SLC14A2: variants seen among roughly 807,000 people sequenced by gnomAD.
SLC14A2 encodes the protein urea transporter 2.
A neutral mutation model predicts 104.6 loss-of-function variants in SLC14A2; 91 were observed. The observed-to-expected ratio is 0.87, with a 90% CI of 0.73 to 1.04. The LOEUF is 1.04. SLC14A2 is among the 50% of genes least tolerant of loss of function. The pLI is 0.00. For missense variants in SLC14A2, 1,189 were observed against 1,156.0 expected (o/e 1.03, Z -0.41); for synonymous variants, 476 against 466.4 (o/e 1.02, Z -0.27).
chr18:45,603,651 C>G (rs1244257167), intron 2 of SLC14A2, among the ~76,000 whole-genome samples: 3 of 152,182 alleles, frequency 2.0e-5, no homozygotes, highest in African/African-American at 7.2e-5. Flanking sequence ...CTCTCATCCC[C>G]TCTCATACAG....
chr18:45,351,161 C>T (rs958865097), intron 1 of SLC14A2, among the ~76,000 whole-genome samples: 1 of 152,140 alleles, frequency 6.6e-6, no homozygotes, highest in East Asian at 1.9e-4. Context: ...TTGCTGGAAA[C>T]ATAATCACCT....
chr18:45,387,781 C>T (rs1423244476), intron 1 of SLC14A2, among the ~76,000 whole-genome samples: 1 of 152,030 alleles, frequency 6.6e-6, no homozygotes, highest in Non-Finnish European at 1.5e-5. Context: ...GGATTATTTG[C>T]CTTCAGGAAA....
At chr18:45,373,300 G>C (rs901983230) in intron 1 of SLC14A2, among the ~76,000 whole-genome samples, 2 of 151,922 alleles carry the variant, frequency 1.3e-5, no homozygotes, top group Admixed American at 6.6e-5. Flanking sequence ...TCGGCTCCAG[G>C]CTCTCTCTCT....
At chr18:45,241,938 C>T (rs919440507) in intron 1 of SLC14A2, among the ~76,000 whole-genome samples, 5 of 152,134 alleles carry the variant, frequency 3.3e-5, no homozygotes, top group African/African-American at 4.8e-5. Context: ...CCACAGTGCC[C>T]GGCAACTTAC....
chr18:45,513,422 C>A (rs940566222), intron 2 of SLC14A2, among the ~76,000 whole-genome samples: 4 of 152,132 alleles, frequency 2.6e-5, no homozygotes, highest in Non-Finnish European at 4.4e-5. Flanking sequence ...GGAATGTATA[C>A]CAAGAACAAA....
At chr18:45,347,476 C>T (rs1274317841) in intron 1 of SLC14A2, among the ~76,000 whole-genome samples, 2 of 152,324 alleles carry the variant, frequency 1.3e-5, no homozygotes, top group East Asian at 1.9e-4. Flanking sequence ...AAGAGAACCA[C>T]TTATCTCCAC....
chr18:45,592,190 G>C (rs1333625720), intron 2 of SLC14A2, among the ~76,000 whole-genome samples: 1 of 152,128 alleles, frequency 6.6e-6, no homozygotes, highest in Non-Finnish European at 1.5e-5. Flanking sequence ...AATTAGGGCA[G>C]ATATTTAACC....
chr18:45,426,109 AT>A (rs2086422373), intron 1 of SLC14A2, among the ~76,000 whole-genome samples: 1 of 151,986 alleles, frequency 6.6e-6, no homozygotes. Context: ...ACTCCTCCAC[AT>A]CTCCCTGGCA....
At chr18:45,491,077 C>T (rs548801277) in intron 2 of SLC14A2, among the ~76,000 whole-genome samples, 1 of 152,264 alleles carries the variant, frequency 6.6e-6, no homozygotes, top group African/African-American at 2.4e-5. Flanking sequence ...GATATACATA[C>T]CCTATGACAA....
At chr18:45,642,026 A>G (rs2045536792) in intron 8 of SLC14A2, among the ~76,000 whole-genome samples, 4 of 152,196 alleles carry the variant, frequency 2.6e-5, no homozygotes, top group Non-Finnish European at 4.4e-5. Context: ...ACAGATGAGG[A>G]AATGAGGCTC....
intron 1 of SLC14A2, among the ~76,000 whole-genome samples, chr18:45,300,503 C>T (rs2084958070): frequency 6.6e-6 from 1 of 151,706 alleles, no homozygotes; most frequent in East Asian, 1.9e-4. Flanking sequence ...TAATGACAAT[C>T]CTGACTTGTA....
At chr18:45,260,133 C>T (rs1455545435) in intron 1 of SLC14A2, among the ~76,000 whole-genome samples, 1 of 152,096 alleles carries the variant, frequency 6.6e-6, no homozygotes, top group East Asian at 1.9e-4. Context: ...AGCAAAATCA[C>T]GAAATAGGAG....
chr18:45,602,943 A>G (rs2044813596), intron 2 of SLC14A2, among the ~76,000 whole-genome samples: 1 of 152,226 alleles, frequency 6.6e-6, no homozygotes, highest in Non-Finnish European at 1.5e-5. Context: ...TATTTCCAAA[A>G]ACAAAAATAA....
chr18:45,206,985 G>C, the SLC14A2 span, among the ~76,000 whole-genome samples: 45,460 of 152,080 alleles, frequency 0.3, 6,863 homozygotes, highest in Non-Finnish European at 0.33. Context: ...GTAGGACATG[G>C]AATGCCTGGG....
intron 2 of SLC14A2, among the ~76,000 whole-genome samples, chr18:45,572,934 C>A (rs989225078): frequency 1.3e-5 from 2 of 152,154 alleles, no homozygotes; most frequent in South Asian, 2.1e-4. Flanking sequence ...GTTAAGACGA[C>A]CTTATGAAGC....
At chr18:45,498,610 C>G (rs1309000123) in intron 2 of SLC14A2, among the ~76,000 whole-genome samples, 1 of 152,186 alleles carries the variant, frequency 6.6e-6, no homozygotes, top group African/African-American at 2.4e-5. Flanking sequence ...TGGAGACTGT[C>G]AGATCTGCTC....
At chr18:45,182,610 C>T in the SLC14A2 span, among the ~76,000 whole-genome samples, 1 of 151,796 alleles carries the variant, frequency 6.6e-6, no homozygotes, top group African/African-American at 2.4e-5. Context: ...ACATCAGAAG[C>T]TTTCCTATGT....
At chr18:45,356,781 T>G (rs571320499) in intron 1 of SLC14A2, among the ~76,000 whole-genome samples, 2 of 152,280 alleles carry the variant, frequency 1.3e-5, no homozygotes, top group South Asian at 4.2e-4. Context: ...CTGGGTAGTG[T>G]CTGGGACAAA....
intron 1 of SLC14A2, among the ~76,000 whole-genome samples, chr18:45,376,511 C>A (rs954705473): frequency 6.6e-6 from 1 of 152,122 alleles, no homozygotes; most frequent in Non-Finnish European, 1.5e-5. Context: ...AAGGGAAGTA[C>A]AAAAACTGCT....
Sources: allele counts gnomAD v4.1 joint callset (sites outside exome capture counted in the v4.1 genomes callset), GRCh38; gene constraint gnomAD v4.1.1; transcripts MANE v1.5; gene names NCBI Gene and HGNC (gene_info 2026-07-23, HGNC 2026-07-21).